Variants in STAT5A observed in about 807,000 individuals in gnomAD.
STAT5A encodes the protein signal transducer and activator of transcription 5A, also known as epididymis secretory sperm binding protein.
STAT5A carries 26 observed loss-of-function variants against 100.2 expected under a neutral mutation model. The ratio of observed to expected loss-of-function variants is 0.26; its 90% confidence interval spans 0.19 to 0.36. STAT5A has a LOEUF of 0.36. Among genes scored for constraint, STAT5A ranks in the 10% least tolerant of loss-of-function variants. The probability of loss-of-function intolerance (pLI) is 1.00; values close to 1 mark genes in which losing one functional copy is unlikely to be tolerated. For synonymous variants in STAT5A, 330 were observed against 424.3 expected (o/e 0.78, Z 2.73); for missense variants, 634 against 1,027.5 (o/e 0.62, Z 5.24).
chr17:42,311,251 C>G lies in STAT5A; in HGVS notation c.*582C>G, dbSNP rs1380611244. ...TACTTTAGTGAACGTGGACTCCAGA[C>G]TCTCTGTGAACCCTATGAGAGCGCG... On this transcript the variant is annotated 3_prime_UTR_variant, in exon 19 of 19. Coordinates refer to ENST00000590949, the MANE Select transcript of STAT5A (RefSeq NM_001288718.2). The G allele has an allele frequency of 6.3e-6, 1 of 159,940 alleles. No homozygotes were observed. The highest frequency in any genetic ancestry group is 2.4e-5 in the African/African-American group (1 of 41,592). The allele number at this position is 159,940 out of a possible 1,614,324, so 9.9% of individuals were successfully genotyped here.
In STAT5A at chr17:42,308,790, G is replaced by A. The variant is rs1027968137; in HGVS notation, c.2063-257G>A. 10 of 561,312 alleles carry A rather than the reference G, an allele frequency of 1.8e-5. No individual in the cohort carries two copies. Among genetic ancestry groups the A allele is most frequent in the Non-Finnish European group, 6.4e-6 (2 of 314,122 alleles). The allele number at this position is 561,312 out of a possible 1,614,324, so 34.8% of individuals were successfully genotyped here. A position where few individuals can be genotyped will look rare whatever the true frequency, so the allele number is the denominator to read the frequency against. On this transcript the variant is annotated intron_variant, in intron 16 of 18. Transcript: ENST00000590949. The surrounding 1 kb of genome is among the most constrained non-coding windows in gnomAD (Gnocchi z 4.6). ...GTTTGCTTGTTGATTCTCATTCTTT[G>A]ACAGGGGTGGGAGCAGGGAGAGGGA... is the stretch of plus-strand genomic sequence containing the variant.
rs951154185 is a variant in STAT5A, at chr17:42,304,219, G to A, written c.1170-123G>A. On this transcript the variant is annotated intron_variant, in intron 9 of 18. Transcript: ENST00000590949. This position sits in a 1 kb window ranked among gnomAD's most constrained non-coding sequence, Gnocchi z 4.8. ...GAAAGACGCCAAGAAACACTCTTAGGGGATACGGGGCAGGGGCTGCTGGCA... is the reference window on the plus strand; with the variant it reads ...GAAAGACGCCAAGAAACACTCTTAGAGGATACGGGGCAGGGGCTGCTGGCA... 4.7e-6 allele frequency: 4 copies of A among 859,902 alleles called. No homozygotes were observed. The African/African-American group carries it at 6.7e-5, about 14-fold the overall frequency. The allele number at this position is 859,902 out of a possible 1,614,324, so 53.3% of individuals were successfully genotyped here.
intron 3 of STAT5A, among the ~76,000 whole-genome samples, chr17:42,291,326 G>C (rs1476707416): frequency 6.6e-6 from 1 of 152,172 alleles, no homozygotes; most frequent in Admixed American, 6.5e-5. Context: ...ACCTCCTGCT[G>C]TGTGGTCCAG....
Position 42,309,110 on chromosome 17 carries a change from G to A in STAT5A, c.2114+12G>A. On this transcript the variant is annotated intron_variant, in intron 17 of 18. Transcript: ENST00000590949. ...CAAGTGGTCCCTGAGTAAGTGTCCA[G>A]GTGGCTGTGGCTCTCCTTCTGCCTC... 7 of 1,613,896 alleles carry A rather than the reference G, an allele frequency of 4.3e-6. No individual in the cohort carries two copies. Among genetic ancestry groups the A allele is most frequent in the Non-Finnish European group, 5.9e-6 (7 of 1,180,004 alleles).
At chr17:42,295,831 G>C in intron 5 of STAT5A, 38 bp downstream of exon 5, 4 of 1,606,756 alleles carry the variant, frequency 2.5e-6, no homozygotes, top group Non-Finnish European at 3.4e-6. Context: ...CCGGAGGGTG[G>C]GAGTGAGGAA....
At chr17:42,292,353 G>A (rs562469675) in intron 4 of STAT5A, among the ~76,000 whole-genome samples, 57 of 151,946 alleles carry the variant, frequency 3.8e-4, no homozygotes, top group African/African-American at 1.4e-3. Context: ...TTTTGAGACG[G>A]ATTCTTGCTC....
At chr17:42,296,794 C>T (rs9909244) in intron 5 of STAT5A, among the ~76,000 whole-genome samples, 44,963 of 151,986 alleles carry the variant, frequency 0.3, 6,894 homozygotes, top group South Asian at 0.41. Flanking sequence ...CAGGCCACCA[C>T]GCCCAGCTGA....
chr17:42,304,390 C>G lies in STAT5A; in HGVS notation c.1218C>G (p.His406Gln). The change falls in exon 10 of 19, where the codon CAC becomes CAG. Residue 406 changes from histidine (H) to glutamine (Q), a missense_variant. His to Gln is a conservative substitution (Grantham distance 24). Around this residue, in one of 5 missense-constraint regions of STAT5A, gnomAD observed 210 missense variants for 428.4 expected, o/e 0.49. Coordinates refer to ENST00000590949, the MANE Select transcript of STAT5A (RefSeq NM_001288718.2). This position sits in a 1 kb window ranked among gnomAD's most constrained non-coding sequence, Gnocchi z 4.8. Reference sequence around the variant, plus strand: ...ACAACTGCTGCGTGATGGAGTACCACCAAGCCACGGGCACCCTCAGTGCCC... The same window carrying G: ...ACAACTGCTGCGTGATGGAGTACCAGCAAGCCACGGGCACCCTCAGTGCCC... ...ILNNCCVMEY[H>Q]QATGTLSAHF... 6.2e-7 allele frequency: 1 copy of G among 1,614,238 alleles called. No homozygotes were observed. The highest frequency in any genetic ancestry group is 1.1e-5 in the South Asian group (1 of 91,084).
chr17:42,307,262 T>C (rs1202870814), intron 13 of STAT5A, 140 bp from the exon 14 acceptor site: 8 of 806,724 alleles, frequency 9.9e-6, no homozygotes, highest in African/African-American at 3.4e-5. Context: ...GCTGTGTCAC[T>C]TTATGGTCTG....
chr17:42,307,563 G>C, intron 14 of STAT5A, 30 bp from the exon 15 acceptor site: 1 of 1,614,088 alleles, frequency 6.2e-7, no homozygotes. Context: ...CTGTGGCCCA[G>C]TGGTGACGCT....
intron 11 of STAT5A, 105 bp from the exon 12 acceptor site, chr17:42,305,502 CAAA>C: frequency 1.3e-6 from 1 of 773,734 alleles, no homozygotes; most frequent in Non-Finnish European, 2.0e-6. Context: ...AACTCCATAT[CAAA>C]AAAAAAAATA....
chr17:42,289,181 G>A, intron 1 of STAT5A: 1 of 469,866 alleles, frequency 2.1e-6, no homozygotes, highest in Non-Finnish European at 3.7e-6. Context: ...ACCTGCCTCT[G>A]CAGAGCACCT....
At chr17:42,307,752 C>G in intron 15 of STAT5A, 29 bp downstream of exon 15, 3 of 1,606,904 alleles carry the variant, frequency 1.9e-6, no homozygotes, top group Non-Finnish European at 2.6e-6. Context: ...CACACTCCAG[C>G]CCCAAGGCCC....
chr17:42,309,495 T>G lies in STAT5A; in HGVS notation c.2222+11T>G. 6.2e-7 allele frequency: 1 copy of G among 1,613,094 alleles called. No homozygotes were observed. Among genetic ancestry groups the G allele is most frequent in the African/African-American group, 1.3e-5 (1 of 75,010 alleles). ...CATGTACCCACAGAAGTAGGTGGTG[T>G]TCTCATGGGGTCCGCAGGGGAAGAA... On this transcript the variant is annotated intron_variant, in intron 18 of 18. Transcript: ENST00000590949.
At chr17:42,287,501 T>C (rs1472125350), upstream of STAT5A, 1 of 152,580 alleles carries the variant, frequency 6.6e-6, no homozygotes, top group East Asian at 1.9e-4. Flanking sequence ...CCAAACCCCT[T>C]GGGCCTCGTG....
intron 5 of STAT5A, among the ~76,000 whole-genome samples, chr17:42,297,487 T>C (rs1598358180): frequency 6.6e-6 from 1 of 152,070 alleles, no homozygotes; most frequent in East Asian, 1.9e-4. Flanking sequence ...CTCAGTCCCA[T>C]TTGTCAAGTT....
intron 17 of STAT5A, 60 bp from the exon 18 acceptor site, chr17:42,309,317 C>T (rs989148074): frequency 6.3e-7 from 1 of 1,594,784 alleles, no homozygotes; most frequent in Admixed American, 1.7e-5. Flanking sequence ...TCGGTCCCCT[C>T]CCCAAGTCAG....
intron 7 of STAT5A, among the ~76,000 whole-genome samples, chr17:42,300,500 G>A (rs1164218794): frequency 1.3e-5 from 2 of 152,166 alleles, no homozygotes; most frequent in East Asian, 1.9e-4. Flanking sequence ...GGGCTCGGGT[G>A]TGTGGGGTGA....
chr17:42,309,203 C>A (rs2081057212), intron 17 of STAT5A, 105 bp downstream of exon 17: 6 of 1,594,744 alleles, frequency 3.8e-6, no homozygotes, highest in Admixed American at 1.7e-5. Context: ...CCCCAGGGAA[C>A]CTGTCTCAGC....
Sources: allele counts gnomAD v4.1 joint callset (sites outside exome capture counted in the v4.1 genomes callset), GRCh38; gene constraint gnomAD v4.1.1; regional missense constraint gnomAD v4.1.1; non-coding constraint Gnocchi (gnomAD v3.1); transcripts MANE v1.5; gene names NCBI Gene and HGNC (gene_info 2026-07-23, HGNC 2026-07-21).